EVC: variants seen among roughly 807,000 people sequenced by gnomAD.
The protein encoded by EVC is evC complex member EVC.
EVC carries 116 observed loss-of-function variants against 118.9 expected under a neutral mutation model. That is an observed-to-expected ratio of 0.98 (90% CI 0.84 to 1.14). The LOEUF is 1.14. Ranked by LOEUF, EVC falls within the 50% of genes most tolerant of loss-of-function variation. The pLI is 0.00. For synonymous variants in EVC, 619 were observed against 534.7 expected (o/e 1.16, Z -2.18); for missense variants, 1,401 against 1,246.4 (o/e 1.12, Z -1.87).
At chr4:5,809,480 G>A (rs1716539908) in intron 18 of EVC, 38 bp from the exon 19 acceptor site, 1 of 1,582,412 alleles carries the variant, frequency 6.3e-7, no homozygotes. Flanking sequence ...AAGTCAGAGG[G>A]AGGCCCAGCT....
intron 12 of EVC, among the ~76,000 whole-genome samples, chr4:5,785,589 A>G (rs1020955029): frequency 6.6e-6 from 1 of 152,188 alleles, no homozygotes; most frequent in African/African-American, 2.4e-5. Context: ...CTTCTAGTTC[A>G]TTCAGTCCTC....
At chr4:5,804,344 C>T (rs1715508835) in intron 16 of EVC, among the ~76,000 whole-genome samples, 1 of 152,234 alleles carries the variant, frequency 6.6e-6, no homozygotes, top group Admixed American at 6.5e-5. Context: ...GCCCAGACTT[C>T]CTAGCTCCTT....
Position 5,813,858 on chromosome 4 carries a change from G to T in EVC, c.*2821G>T. ...CCAGCTGTTGTGCTGGGCACAGTCT[G>T]GGGCACAGGCCTCCATGATGAAGAC... On this transcript the variant is annotated 3_prime_UTR_variant, in exon 21 of 21. Transcript: ENST00000264956. The T allele has an allele frequency of 6.6e-6, 1 of 152,384 alleles. No individual in the cohort carries two copies. 9.4% of individuals were successfully genotyped at this position (152,384 alleles called of 1,614,324 possible).
chr4:5,729,097 CATCCATCCATCT>C (rs778591593), intron 2 of EVC, among the ~76,000 whole-genome samples, 198 bp from the exon 3 acceptor site: 1 of 152,074 alleles, frequency 6.6e-6, no homozygotes, highest in South Asian at 2.1e-4. Flanking sequence ...TTCATTCACC[CATCCATCCATCT>C]ATCCATCCAT....
At chr4:5,780,804 G>T (rs1208920363) in intron 11 of EVC, among the ~76,000 whole-genome samples, 2 of 152,178 alleles carry the variant, frequency 1.3e-5, no homozygotes, top group African/African-American at 4.8e-5. Context: ...GCCTATAGTT[G>T]TACCCATGGC....
intron 17 of EVC, among the ~76,000 whole-genome samples, chr4:5,807,460 A>G (rs7680768): frequency 0.43 from 64,775 of 152,116 alleles, 13,968 homozygotes; most frequent in South Asian, 0.47. Context: ...CTTCAGGTCT[A>G]GAAATTCGAC....
the EVC span, chr4:5,820,922 C>T: frequency 6.6e-6 from 1 of 152,210 alleles, no homozygotes; most frequent in Non-Finnish European, 1.5e-5. Context: ...CTGACTGCCC[C>T]GTCAACTGCC....
Position 5,754,535 on chromosome 4 carries a change from T to C in EVC, c.1464+602T>C, listed in dbSNP as rs1730878524. ...CAGTGCAGGCTCTAAGGACCTGGAC[T>C]CGCCAGTTCTCAGAGAGACCACCGA... is the stretch of plus-strand genomic sequence containing the variant. On this transcript the variant is annotated intron_variant, in intron 10 of 20. Transcript: ENST00000264956. The surrounding 1 kb of genome is among the most constrained non-coding windows in gnomAD (Gnocchi z 5.8). 6.6e-6 allele frequency among the ~76,000 whole-genome samples: 1 copy of C among 152,140 alleles called. No homozygotes were observed. Among genetic ancestry groups the C allele is most frequent in the Admixed American group, 6.5e-5 (1 of 15,276 alleles).
At chr4:5,801,822 G>C in intron 15 of EVC, 128 bp from the exon 16 acceptor site, 1 of 1,037,182 alleles carries the variant, frequency 9.6e-7, no homozygotes, top group Non-Finnish European at 1.5e-6. Flanking sequence ...CCTGCTTCCT[G>C]ACCAATCCAG....
At chr4:5,809,637 G>A (rs750225853) in intron 19 of EVC, 26 bp downstream of exon 19, 75 of 1,599,986 alleles carry the variant, frequency 4.7e-5, no homozygotes, top group Non-Finnish European at 6.3e-5. Context: ...TTGAGTTGCA[G>A]CGGGAAGCAC....
At chr4:5,826,412 G>T in the EVC span, 1 of 151,874 alleles carries the variant, frequency 6.6e-6, no homozygotes. Context: ...GGGACAAGGA[G>T]TGGGCCAGGT....
chr4:5,819,715 A>G, the EVC span, among the ~76,000 whole-genome samples: 264 of 152,334 alleles, frequency 1.7e-3, 1 homozygote, highest in African/African-American at 5.7e-3. Flanking sequence ...CTTTTCTGGA[A>G]GTTTCCCTTT....
In EVC at chr4:5,755,978, C is replaced by T. The variant is rs1054772580; in HGVS notation, c.1465-286C>T. 2.0e-5 allele frequency among the ~76,000 whole-genome samples: 3 copies of T among 152,166 alleles called. No homozygotes were observed. Among genetic ancestry groups the T allele is most frequent in the African/African-American group, 7.2e-5 (3 of 41,442 alleles). ...TCAGAAAGTGATGTCTGGGTGGCTG[C>T]AGCCAGGACAGAGGAGTGACAGAAG... is the stretch of plus-strand genomic sequence containing the variant. On this transcript the variant is annotated intron_variant, in intron 10 of 20. Transcript: ENST00000264956. The surrounding 1 kb of genome is among the most constrained non-coding windows in gnomAD (Gnocchi z 4.1).
rs945724978 is a variant in EVC, at chr4:5,742,906, G to A, written c.801+1092G>A. Among the ~76,000 whole-genome samples, 21 of 152,214 alleles carry A rather than the reference G, an allele frequency of 1.4e-4. No homozygotes were observed. The highest frequency in any genetic ancestry group is 5.8e-4 in the East Asian group (3 of 5,196). On this transcript the variant is annotated intron_variant, in intron 6 of 20. Transcript: ENST00000264956. This position sits in a 1 kb window ranked among gnomAD's most constrained non-coding sequence, Gnocchi z 5.2. ...TTTAGTGAATGGTGCCACTCCTTGC[G>A]GAGCAGGGCTAACCCGTAGGCAGTG... is the stretch of plus-strand genomic sequence containing the variant.
At position 5,755,071 on chromosome 4, in the gene EVC, C is replaced by G. The variant is rs1367235524; in HGVS notation, c.1464+1138C>G. Among the ~76,000 whole-genome samples the G allele has an allele frequency of 6.6e-6, 1 of 152,016 alleles. No individual in the cohort carries two copies. The highest frequency in any genetic ancestry group is 6.5e-5 in the Admixed American group (1 of 15,280). On this transcript the variant is annotated intron_variant, in intron 10 of 20. Transcript: ENST00000264956. The surrounding 1 kb of genome is among the most constrained non-coding windows in gnomAD (Gnocchi z 4.1). ...CTCTAGGTCCCTGGTCCAGCTGCCTCCCTCACCCAGGGGGCCTCTTCCAGG... is the reference window on the plus strand; with the variant it reads ...CTCTAGGTCCCTGGTCCAGCTGCCTGCCTCACCCAGGGGGCCTCTTCCAGG...
At chr4:5,752,311 GC>G (rs1239241630) in intron 8 of EVC, among the ~76,000 whole-genome samples, 2 of 152,194 alleles carry the variant, frequency 1.3e-5, no homozygotes, top group Non-Finnish European at 2.9e-5. Context: ...ATGAGGTGGG[GC>G]TGGGGAGGGC....
chr4:5,745,158 AC>A lies in EVC; in HGVS notation c.802-45del, dbSNP rs1208136690. 9 of 1,589,104 alleles carry A rather than the reference AC, an allele frequency of 5.7e-6. No homozygotes were observed. In the Admixed American group the frequency reaches 6.8e-5, roughly 12 times the overall value. On this transcript the variant is annotated intron_variant, in intron 6 of 20. Coordinates refer to ENST00000264956, the MANE Select transcript of EVC (RefSeq NM_153717.3). ...TTTTCTAGAATTTAAGACACGCTAA[AC>A]TTTTTCTTTGTTTATTTGCTTTCTT...
At chr4:5,776,112 T>A (rs989705301) in intron 11 of EVC, among the ~76,000 whole-genome samples, 3 of 152,140 alleles carry the variant, frequency 2.0e-5, no homozygotes, top group Admixed American at 6.5e-5. Context: ...TTTTGTAAAA[T>A]GCTTTTATCT....
chr4:5,797,491 C>T (rs1431250970), intron 14 of EVC: 4 of 571,304 alleles, frequency 7.0e-6, no homozygotes, highest in Non-Finnish European at 1.3e-5. Context: ...TGAGACCGCA[C>T]TCCCTGGCTT....
Sources: allele counts gnomAD v4.1 joint callset (sites outside exome capture counted in the v4.1 genomes callset), GRCh38; gene constraint gnomAD v4.1.1; non-coding constraint Gnocchi (gnomAD v3.1); transcripts MANE v1.5; gene names NCBI Gene and HGNC (gene_info 2026-07-23, HGNC 2026-07-21).